Variants in RBM19 observed in about 807,000 individuals in gnomAD.
The protein encoded by RBM19 is probable RNA-binding protein 19.
A neutral mutation model predicts 116.8 loss-of-function variants in RBM19; 94 were observed. The ratio of observed to expected loss-of-function variants is 0.80; its 90% CI spans 0.68 to 0.95. The LOEUF is 0.95. RBM19 is among the 40% of genes least tolerant of loss of function. RBM19 has a pLI of 0.00. For synonymous variants in RBM19, 475 were observed against 494.1 expected (o/e 0.96, Z 0.51); for missense variants, 1,161 against 1,220.7 (o/e 0.95, Z 0.73).
intron 18 of RBM19, among the ~76,000 whole-genome samples, chr12:113,922,876 G>A (rs902926711): frequency 6.6e-6 from 1 of 152,206 alleles, no homozygotes; most frequent in Non-Finnish European, 1.5e-5. Flanking sequence ...GCTCACGCTT[G>A]TAATACCAGC....
chr12:113,864,721 A>G (rs898213303), intron 21 of RBM19, among the ~76,000 whole-genome samples: 5 of 152,176 alleles, frequency 3.3e-5, no homozygotes, highest in Admixed American at 3.3e-4. Flanking sequence ...GAACAGAACT[A>G]TCATCTAAAA....
intron 16 of RBM19, among the ~76,000 whole-genome samples, chr12:113,930,076 C>T (rs73399004): frequency 0.088 from 13,380 of 152,274 alleles, 680 homozygotes; most frequent in East Asian, 0.17. Context: ...GAGGAAATCC[C>T]ATGGTTTTTA....
intron 10 of RBM19, among the ~76,000 whole-genome samples, chr12:113,948,240 T>C (rs1186459345): frequency 6.6e-6 from 1 of 152,210 alleles, no homozygotes; most frequent in Non-Finnish European, 1.5e-5. Context: ...CCCCTCATCC[T>C]GAACCCTCCC....
At position 113,935,280 on chromosome 12, in the gene RBM19, G is replaced by A. The variant is rs545106845; in HGVS notation, c.2068+1727C>T. On this transcript the variant is annotated intron_variant, in intron 16 of 23. Coordinates refer to ENST00000261741, the MANE Select transcript of RBM19 (RefSeq NM_016196.4). ...CCGCTCAGCCCTGGCTGATCTCTGC[G>A]TTTCAAAGGAGAACTCGCTTTGGGC... 3.1e-4 allele frequency among the ~76,000 whole-genome samples: 47 copies of A among 151,464 alleles called. No individual in the cohort carries two copies. The Middle Eastern group carries it at 0.01, about 33-fold the overall frequency.
chr12:113,836,550 C>T (rs1192031560), intron 23 of RBM19, among the ~76,000 whole-genome samples: 1 of 152,040 alleles, frequency 6.6e-6, no homozygotes, highest in Non-Finnish European at 1.5e-5. Context: ...CAGTAAGGAA[C>T]CTGGATAAGC....
chr12:113,945,194 C>A (rs1457779095), intron 13 of RBM19, among the ~76,000 whole-genome samples: 1 of 152,190 alleles, frequency 6.6e-6, no homozygotes, highest in African/African-American at 2.4e-5. Context: ...ATTTCACTAT[C>A]TATATGTCTA....
At position 113,840,003 on chromosome 12, in the gene RBM19, G is replaced by A. The variant is rs1019957411; in HGVS notation, c.2785+4665C>T. Reference sequence around the variant, plus strand: ...TCTTGCCACACACGCAGACACAAACGCAATTACCAGGCATTCCCAGTCCCT... The same window carrying A: ...TCTTGCCACACACGCAGACACAAACACAATTACCAGGCATTCCCAGTCCCT... On this transcript the variant is annotated intron_variant, in intron 23 of 23. Transcript: ENST00000261741. 4.6e-5 allele frequency among the ~76,000 whole-genome samples: 7 copies of A among 152,008 alleles called. No homozygotes were observed. The South Asian group carries it at 8.3e-4, about 18-fold the overall frequency.
At chr12:113,889,673 C>A (rs200227408) in intron 21 of RBM19, among the ~76,000 whole-genome samples, 1,069 of 33,428 alleles carry the variant, frequency 0.032, 10 homozygotes, top group African/African-American at 0.13. Flanking sequence ...AAACAAACAA[C>A]AAAAAAAAAA....
At chr12:113,861,335 G>A (rs1325299429) in intron 21 of RBM19, among the ~76,000 whole-genome samples, 1 of 152,158 alleles carries the variant, frequency 6.6e-6, no homozygotes, top group East Asian at 1.9e-4. Context: ...AGACCACCAG[G>A]CAAGGTGGGG....
rs547561493 is a variant in RBM19 at position 113,926,877 on chromosome 12, G to A, written c.2244+177C>T. Among the ~76,000 whole-genome samples the A allele has an allele frequency of 2.0e-5, 3 of 152,372 alleles. No homozygotes were observed. The South Asian group carries it at 6.2e-4, about 32-fold the overall frequency. ...AGCCTTGCTACTGCTCTAGTCTTCC[G>A]TTGAGTCATCTACTGGACACCCCAG... On this transcript the variant is annotated intron_variant, in intron 17 of 23. Transcript: ENST00000261741.
chr12:113,877,734 G>C (rs1879775202), intron 21 of RBM19, among the ~76,000 whole-genome samples: 1 of 152,224 alleles, frequency 6.6e-6, no homozygotes, highest in Non-Finnish European at 1.5e-5. Context: ...GAGAGCTCAT[G>C]TAGACTGGTC....
chr12:113,823,509 G>C (rs1874602509), intron 23 of RBM19, among the ~76,000 whole-genome samples, 188 bp from the exon 24 acceptor site: 1 of 152,116 alleles, frequency 6.6e-6, no homozygotes, highest in East Asian at 1.9e-4. Context: ...AGAAGATACA[G>C]AGGGAGGTGG....
intron 12 of RBM19, among the ~76,000 whole-genome samples, 155 bp from the exon 13 acceptor site, chr12:113,946,079 C>T (rs1870995453): frequency 6.6e-6 from 1 of 152,178 alleles, no homozygotes; most frequent in Admixed American, 6.5e-5. Flanking sequence ...GGCCTGAAGA[C>T]AACAAGACGG....
In RBM19 at chr12:113,952,545, G is replaced by A. The variant is rs751083110; in HGVS notation, c.967C>T (p.Arg323Ter). 36 of 1,613,638 alleles carry A rather than the reference G, an allele frequency of 2.2e-5. No homozygotes were observed. The highest frequency in any genetic ancestry group is 2.9e-5 in the Non-Finnish European group (34 of 1,179,818). Residue 323 changes from arginine to a stop codon, truncating the protein, a stop_gained, in exon 8 of 24, where the codon CGA becomes TGA. Transcript: ENST00000261741. LOFTEE classifies it high-confidence loss of function. ...FLAPLKPVAI[R>*]IVRNAHGNKT... Reference sequence around the variant, plus strand: ...TTCCCATGAGCGTTTCTCACAATTCGAATGGCCACTGGTTTCAGGGGTGCC... The same window carrying A: ...TTCCCATGAGCGTTTCTCACAATTCAAATGGCCACTGGTTTCAGGGGTGCC...
At chr12:113,874,494 G>A (rs1202170483) in intron 21 of RBM19, among the ~76,000 whole-genome samples, 1 of 152,234 alleles carries the variant, frequency 6.6e-6, no homozygotes, top group East Asian at 1.9e-4. Flanking sequence ...GGACGCATGT[G>A]AGACCTCGAG....
intron 23 of RBM19, among the ~76,000 whole-genome samples, chr12:113,836,579 C>T (rs1875910476): frequency 6.6e-6 from 1 of 151,992 alleles, no homozygotes; most frequent in Admixed American, 6.6e-5. Flanking sequence ...CGAGTCTGGG[C>T]GTGGAGCATA....
At position 113,825,538 on chromosome 12, in the gene RBM19, C is replaced by T. The variant is rs907476546; in HGVS notation, c.2786-2217G>A. Among the ~76,000 whole-genome samples the T allele has an allele frequency of 6.6e-6, 1 of 152,186 alleles. No individual in the cohort carries two copies. The highest frequency in any genetic ancestry group is 1.5e-5 in the Non-Finnish European group (1 of 68,038). On this transcript the variant is annotated intron_variant, in intron 23 of 23. Coordinates refer to ENST00000261741, the MANE Select transcript of RBM19 (RefSeq NM_016196.4). The surrounding 1 kb of genome is among the most constrained non-coding windows in gnomAD (Gnocchi z 5.7). ...AACAGGGCCCACAGGCGATCACTGA[C>T]GCCCCTCCCATCTGCTAATATGAGT...
chr12:113,874,594 A>ACGATTG (rs1879526997), intron 21 of RBM19, among the ~76,000 whole-genome samples: 1 of 152,236 alleles, frequency 6.6e-6, no homozygotes, highest in Non-Finnish European at 1.5e-5. Flanking sequence ...CCCTGGGGAC[A>ACGATTG]GTAACCAGCT....
intron 22 of RBM19, among the ~76,000 whole-genome samples, chr12:113,849,623 G>C (rs181309688): frequency 3.3e-5 from 5 of 152,216 alleles, no homozygotes; most frequent in African/African-American, 1.2e-4. Context: ...TGCAGGATGG[G>C]AACAGTAACC....
Sources: gnomAD v4.1 joint callset for allele counts (sites outside exome capture counted in the v4.1 genomes callset) on GRCh38, gnomAD v4.1.1 for gene constraint, Gnocchi (gnomAD v3.1) non-coding constraint, MANE v1.5 for transcripts, NCBI Gene and HGNC (gene_info 2026-07-23, HGNC 2026-07-21) for gene names.